Variants in SAMD5 observed in about 807,000 individuals in gnomAD.
The protein encoded by SAMD5 is sterile alpha motif domain containing 5.
Under a neutral mutation model 11.3 loss-of-function variants are expected in SAMD5, and 13 were observed. That is an observed-to-expected ratio of 1.15 (90% CI 0.75 to 1.83). The LOEUF (loss-of-function observed/expected upper bound fraction) is 1.83. SAMD5 is among the 40% of genes most tolerant of loss of function. SAMD5 has a pLI of 0.00. For missense variants in SAMD5, 255 were observed against 239.1 expected (o/e 1.07, Z -0.44); for synonymous variants, 129 against 111.3 (o/e 1.16, Z -1.00).
At chr6:147,886,960 C>T in the SAMD5 span, among the ~76,000 whole-genome samples, 1 of 152,180 alleles carries the variant, frequency 6.6e-6, no homozygotes, top group East Asian at 1.9e-4. Context: ...GATGAGAATA[C>T]AGCCTAGCTG....
intron 1 of SAMD5, among the ~76,000 whole-genome samples, chr6:147,615,747 C>T (rs760700427): frequency 6.6e-5 from 10 of 152,294 alleles, no homozygotes; most frequent in Non-Finnish European, 1.3e-4. Context: ...AACATATCTT[C>T]CTCAACAGAG....
At chr6:147,540,610 T>C (rs1267635849) in intron 1 of SAMD5, among the ~76,000 whole-genome samples, 4 of 152,192 alleles carry the variant, frequency 2.6e-5, no homozygotes, top group African/African-American at 4.8e-5. Context: ...CATTCTATCC[T>C]GTGATACTCC....
the SAMD5 span, among the ~76,000 whole-genome samples, chr6:147,832,639 A>T: frequency 1.3e-5 from 2 of 152,170 alleles, no homozygotes; most frequent in African/African-American, 4.8e-5. Context: ...AGGCTATCTG[A>T]TGATTCTAAT....
At chr6:147,646,232 G>A (rs844596) in intron 1 of SAMD5, among the ~76,000 whole-genome samples, 112,997 of 151,982 alleles carry the variant, frequency 0.74, 42,503 homozygotes, top group African/African-American at 0.86. Context: ...GATAACATGA[G>A]TAGTCAATTC....
the SAMD5 span, among the ~76,000 whole-genome samples, chr6:147,937,356 G>A: frequency 6.6e-6 from 1 of 152,314 alleles, no homozygotes; most frequent in South Asian, 2.1e-4. Context: ...TATGTCATCT[G>A]TAACAGCACA....
intron 1 of SAMD5, among the ~76,000 whole-genome samples, chr6:147,592,243 C>T (rs1331480510): frequency 6.6e-6 from 1 of 152,106 alleles, no homozygotes; most frequent in African/African-American, 2.4e-5. Context: ...CCTGCCTAAA[C>T]AGGTATTTTC....
the SAMD5 span, among the ~76,000 whole-genome samples, chr6:147,861,495 C>A: frequency 6.6e-6 from 1 of 152,064 alleles, no homozygotes; most frequent in Admixed American, 6.6e-5. Flanking sequence ...AGTCACCTGG[C>A]GAGTCAGAAC....
chr6:147,583,615 A>G (rs1583094725), intron 1 of SAMD5, among the ~76,000 whole-genome samples: 1 of 152,312 alleles, frequency 6.6e-6, no homozygotes, highest in East Asian at 1.9e-4. Context: ...TACTTGGAAG[A>G]TAGATCTAGA....
intron 1 of SAMD5, among the ~76,000 whole-genome samples, chr6:147,692,872 C>T (rs1019001560): frequency 6.6e-6 from 1 of 152,200 alleles, no homozygotes. Context: ...AATATACCTG[C>T]AGAAATCAAC....
At chr6:147,842,237 C>A in the SAMD5 span, among the ~76,000 whole-genome samples, 3 of 151,810 alleles carry the variant, frequency 2.0e-5, no homozygotes, top group African/African-American at 7.3e-5. Context: ...AGTTGTTGGT[C>A]CATAGAACTA....
At chr6:147,599,582 C>T (rs1789585311) in intron 1 of SAMD5, among the ~76,000 whole-genome samples, 1 of 152,096 alleles carries the variant, frequency 6.6e-6, no homozygotes, top group African/African-American at 2.4e-5. Flanking sequence ...AAGGACATGT[C>T]CACATACTTT....
intron 1 of SAMD5, among the ~76,000 whole-genome samples, chr6:147,734,711 T>TAAAAAAAACAAAAAAAAAAA (rs1791768246): frequency 3.8e-5 from 1 of 26,100 alleles, no homozygotes; most frequent in Non-Finnish European, 9.4e-5. Flanking sequence ...AGACTCCATC[T>TAAAAAAAACAAAAAAAAAAA]AAAAAAAAAA....
At chr6:147,509,655 C>T (rs1296146527) in intron 1 of SAMD5, among the ~76,000 whole-genome samples, 2 of 152,226 alleles carry the variant, frequency 1.3e-5, no homozygotes, top group Non-Finnish European at 2.9e-5. Context: ...TGGTGCTCGC[C>T]TGTCAGGAAT....
chr6:147,825,851 A>G, the SAMD5 span, among the ~76,000 whole-genome samples: 1 of 152,236 alleles, frequency 6.6e-6, no homozygotes, highest in Non-Finnish European at 1.5e-5. Flanking sequence ...CTGTTTATAT[A>G]AGCTATCCAT....
intron 1 of SAMD5, among the ~76,000 whole-genome samples, chr6:147,585,008 A>G (rs893525793): frequency 2.8e-4 from 42 of 152,138 alleles, no homozygotes; most frequent in African/African-American, 9.4e-4. Context: ...CATTTGGAGG[A>G]TGGGAGAGAG....
At chr6:147,916,082 T>C in the SAMD5 span, among the ~76,000 whole-genome samples, 3 of 152,104 alleles carry the variant, frequency 2.0e-5, no homozygotes, top group African/African-American at 4.8e-5. Flanking sequence ...GGACATGAAC[T>C]CATCATTTTT....
At chr6:147,551,354 A>G (rs1784643787) in intron 1 of SAMD5, among the ~76,000 whole-genome samples, 1 of 152,178 alleles carries the variant, frequency 6.6e-6, no homozygotes, top group Admixed American at 6.5e-5. Context: ...AAAATGCTCT[A>G]CTTTGTGGGG....
chr6:147,632,570 G>T (rs1296386736), intron 1 of SAMD5, among the ~76,000 whole-genome samples: 1 of 152,132 alleles, frequency 6.6e-6, no homozygotes, highest in Non-Finnish European at 1.5e-5. Context: ...AAGGCAGTGG[G>T]AGCCGCCGCA....
At chr6:147,826,530 T>G in the SAMD5 span, among the ~76,000 whole-genome samples, 1 of 152,204 alleles carries the variant, frequency 6.6e-6, no homozygotes, top group Non-Finnish European at 1.5e-5. Context: ...CTATATACTT[T>G]ACTCCTCCGA....
Sources: gnomAD v4.1 joint callset for allele counts (sites outside exome capture counted in the v4.1 genomes callset) on GRCh38, gnomAD v4.1.1 for gene constraint, MANE v1.5 for transcripts, NCBI Gene and HGNC (gene_info 2026-07-23, HGNC 2026-07-21) for gene names.